NLRC5: variants seen among roughly 807,000 people sequenced by gnomAD.
NLRC5 encodes the protein protein NLRC5.
NLRC5 carries 114 observed loss-of-function variants against 206.9 expected under a neutral mutation model. The ratio of observed to expected loss-of-function variants is 0.55; its 90% CI spans 0.47 to 0.64. The LOEUF (loss-of-function observed/expected upper bound fraction) is 0.64, where lower values mean the gene tolerates loss of function less well. Ranked by LOEUF, NLRC5 falls within the 30% of genes least tolerant of loss-of-function variation. NLRC5 has a pLI of 0.00. For synonymous variants in NLRC5, 952 were observed against 962.8 expected, an observed-to-expected ratio of 0.99 and a Z score of 0.21; for missense variants, 2,008 against 2,305.5, an observed-to-expected ratio of 0.87 and a Z score of 2.64.
intron 23 of NLRC5, chr16:57,048,323 T>C (rs1469104212): frequency 6.6e-6 from 1 of 152,272 alleles, no homozygotes; most frequent in Non-Finnish European, 1.5e-5. Context: ...TTTCTACCTG[T>C]TTGCAGTCAT....
At chr16:57,025,304 G>C (rs1003049088) in intron 5 of NLRC5, 64 bp from the exon 6 acceptor site, 5 of 1,500,898 alleles carry the variant, frequency 3.3e-6, no homozygotes, top group Non-Finnish European at 3.5e-6. Context: ...CAATACTGGG[G>C]CAAGAAGACA....
chr16:57,082,636 C>T lies in NLRC5; in HGVS notation c.*108C>T. ...GAAAGAAGAGCCTCGGCAGGGCGCTCTGCACTCCACCCAGGAGGAAGGATA... is the reference window on the plus strand; with the variant it reads ...GAAAGAAGAGCCTCGGCAGGGCGCTTTGCACTCCACCCAGGAGGAAGGATA... On this transcript the variant is annotated 3_prime_UTR_variant, in exon 49 of 49. Coordinates refer to ENST00000688547, the MANE Select transcript of NLRC5 (RefSeq NM_001384950.1). 1 of 743,596 alleles carries T rather than the reference C, an allele frequency of 1.3e-6. No individual in the cohort carries two copies. Among genetic ancestry groups the T allele is most frequent in the Non-Finnish European group, 2.2e-6 (1 of 448,840 alleles). The allele number at this position is 743,596 out of a possible 1,614,324, so 46.1% of individuals were successfully genotyped here. A position where few individuals can be genotyped will look rare whatever the true frequency, so the allele number is the denominator to read the frequency against.
intron 15 of NLRC5, among the ~76,000 whole-genome samples, 177 bp from the exon 16 acceptor site, chr16:57,039,604 C>A (rs1377184980): frequency 6.6e-6 from 1 of 152,064 alleles, no homozygotes; most frequent in Non-Finnish European, 1.5e-5. Flanking sequence ...GTAATCCCAG[C>A]TACTCAGGAG....
rs760310125 is a variant in NLRC5 at position 57,023,861 on chromosome 16, C to T, written c.424+8C>T. ...GCAAGAAGCAGCAGCTAGGTGGGTA[C>T]CAGTGTGGGGAGGAACATAAACAGA... On this transcript the variant is annotated splice_region_variant and intron_variant, in intron 5 of 48. Coordinates refer to ENST00000688547, the MANE Select transcript of NLRC5 (RefSeq NM_001384950.1). 14 of 1,606,036 alleles carry T rather than the reference C, an allele frequency of 8.7e-6. 1 individual carries two copies. The East Asian group carries it at 2.0e-4, about 23-fold the overall frequency.
At position 57,042,052 on chromosome 16, in the gene NLRC5, C is replaced by A; in HGVS notation, c.3100C>A (p.Leu1034Met). The A allele has an allele frequency of 6.4e-7, 1 of 1,561,134 alleles. No homozygotes were observed. Among genetic ancestry groups the A allele is most frequent in the South Asian group, 1.2e-5 (1 of 84,020 alleles). The change falls in exon 19 of 49, where the codon CTG becomes ATG. Residue 1034 changes from leucine (L) to methionine (M), a missense_variant. By Grantham distance (15) the Leu-to-Met change is conservative. Coordinates refer to ENST00000688547, the MANE Select transcript of NLRC5 (RefSeq NM_001384950.1). Reference sequence around the variant, plus strand: ...TCAGCTGCTCCCAGGGCTGGGAGCTCTGCAGTCCTTGAAGTGAGTAGCCCG... The same window carrying A: ...TCAGCTGCTCCCAGGGCTGGGAGCTATGCAGTCCTTGAAGTGAGTAGCCCG... ...LAQLLPGLGA[L>M]QSLNLSENGL...
At chr16:57,047,851 G>T in intron 23 of NLRC5, 1 of 583,446 alleles carries the variant, frequency 1.7e-6, no homozygotes, top group Non-Finnish European at 3.1e-6. Flanking sequence ...GTGCTGGACT[G>T]GGGAAGCCTT....
intron 1 of NLRC5, among the ~76,000 whole-genome samples, chr16:57,006,279 A>G (rs2058890018): frequency 1.3e-5 from 2 of 152,032 alleles, no homozygotes; most frequent in South Asian, 4.1e-4. Flanking sequence ...GATTACAGGC[A>G]TGAGCCACCA....
At chr16:57,042,122 G>A in intron 19 of NLRC5, 57 bp downstream of exon 19, 3 of 1,124,340 alleles carry the variant, frequency 2.7e-6, no homozygotes, top group Non-Finnish European at 2.5e-6. Flanking sequence ...AGCATTCTCT[G>A]TCCCATCCCC....
intron 36 of NLRC5, among the ~76,000 whole-genome samples, chr16:57,068,060 G>T (rs1225712588): frequency 6.6e-6 from 1 of 152,172 alleles, no homozygotes; most frequent in Admixed American, 6.5e-5. Context: ...CTCTTTCATT[G>T]TTTTTCTTTT....
chr16:57,075,105 A>G (rs562887554), intron 39 of NLRC5, among the ~76,000 whole-genome samples: 3 of 133,940 alleles, frequency 2.2e-5, no homozygotes, highest in East Asian at 4.6e-4. Context: ...CACAGGTGCA[A>G]TCGTGTTGCA....
At chr16:57,047,447 T>C in intron 22 of NLRC5, 98 bp from the exon 23 acceptor site, 1 of 1,092,538 alleles carries the variant, frequency 9.2e-7, no homozygotes, top group Non-Finnish European at 1.4e-6. Flanking sequence ...GCCTCCCACT[T>C]AGAGTGAGGG....
chr16:57,009,491 G>T (rs1485019257), intron 1 of NLRC5, among the ~76,000 whole-genome samples: 1 of 151,828 alleles, frequency 6.6e-6, no homozygotes, highest in African/African-American at 2.4e-5. Flanking sequence ...TACTCGGGAG[G>T]CTGAGGAAAG....
At chr16:57,043,838 A>T in intron 20 of NLRC5, 1 of 573,066 alleles carries the variant, frequency 1.7e-6, no homozygotes, top group Admixed American at 3.0e-5. Context: ...ACCATTAGAG[A>T]GTTCATTGAC....
At chr16:57,054,198 G>C (rs1039390332) in intron 24 of NLRC5, among the ~76,000 whole-genome samples, 2 of 152,108 alleles carry the variant, frequency 1.3e-5, no homozygotes, top group African/African-American at 4.8e-5. Flanking sequence ...GAGGGGTGCT[G>C]CTACTGGCAT....
intron 19 of NLRC5, 55 bp from the exon 20 acceptor site, chr16:57,043,460 G>A: frequency 1.6e-6 from 2 of 1,267,906 alleles, no homozygotes; most frequent in Non-Finnish European, 2.3e-6. Flanking sequence ...TGACCACAAA[G>A]AGGATGTGTT....
At chr16:57,055,212 A>G in intron 26 of NLRC5, 118 bp downstream of exon 26, 1 of 1,139,440 alleles carries the variant, frequency 8.8e-7, no homozygotes, top group Non-Finnish European at 1.3e-6. Flanking sequence ...CCCTGGAACA[A>G]CCCTGCAGAG....
intron 39 of NLRC5, among the ~76,000 whole-genome samples, chr16:57,075,576 T>C (rs938040115): frequency 1.3e-5 from 2 of 152,198 alleles, no homozygotes; most frequent in Admixed American, 6.5e-5. Context: ...GGGGCCACGG[T>C]CAGCACTTTG....
intron 23 of NLRC5, among the ~76,000 whole-genome samples, chr16:57,048,519 C>G (rs1418065750): frequency 6.6e-6 from 1 of 151,916 alleles, no homozygotes; most frequent in Non-Finnish European, 1.5e-5. Context: ...AACCACAAAA[C>G]CATTATCAGA....
At chr16:57,064,099 G>C (rs1221759387) in intron 32 of NLRC5, among the ~76,000 whole-genome samples, 1 of 149,690 alleles carries the variant, frequency 6.7e-6, no homozygotes, top group Non-Finnish European at 1.5e-5. Flanking sequence ...GGGGGAAGTG[G>C]CACACGCCTG....
Sources: gnomAD v4.1 joint callset for allele counts (sites outside exome capture counted in the v4.1 genomes callset) on GRCh38, gnomAD v4.1.1 for gene constraint, MANE v1.5 for transcripts, NCBI Gene and HGNC (gene_info 2026-07-23, HGNC 2026-07-21) for gene names.